Variants in FBRSL1 observed in about 807,000 individuals in gnomAD.
FBRSL1 encodes the protein fibrosin like 1, also known as fibrosin-1-like protein.
Under a neutral mutation model 89.6 loss-of-function variants are expected in FBRSL1, and 51 were observed. That is an observed-to-expected ratio of 0.57 (90% CI 0.45 to 0.72). The LOEUF (loss-of-function observed/expected upper bound fraction) is 0.72. FBRSL1 is among the 30% of genes least tolerant of loss of function. The pLI is 0.00. For synonymous variants in FBRSL1, 779 were observed against 681.1 expected, an observed-to-expected ratio of 1.14 and a Z score of -2.24; for missense variants, 1,618 against 1,451.8, an observed-to-expected ratio of 1.11 and a Z score of -1.86.
At chr12:132,550,472 G>C (rs1030676385) in intron 5 of FBRSL1, among the ~76,000 whole-genome samples, 1 of 152,100 alleles carries the variant, frequency 6.6e-6, no homozygotes, top group Non-Finnish European at 1.5e-5. Context: ...GCTTCTGTTG[G>C]GGGGCAGCTC....
chr12:132,562,574 C>T, intron 5 of FBRSL1, among the ~76,000 whole-genome samples: 1 of 149,660 alleles, frequency 6.7e-6, no homozygotes, highest in Non-Finnish European at 1.5e-5. Context: ...GACCCCGACC[C>T]CGGGGACCGC....
intron 5 of FBRSL1, among the ~76,000 whole-genome samples, chr12:132,567,059 CG>C (rs1199123219): frequency 6.6e-6 from 1 of 152,182 alleles, no homozygotes; most frequent in Non-Finnish European, 1.5e-5. Flanking sequence ...AGGTGTGTCC[CG>C]GGGCTCTCCA....
chr12:132,569,985 G>A lies in FBRSL1; in HGVS notation c.751G>A (p.Glu251Lys). The change falls in exon 7 of 19, where the codon GAG becomes AAG. Residue 251 changes from glutamate (E) to lysine (K), a missense_variant. By Grantham distance (56) the Glu-to-Lys change is moderately conservative. Coordinates refer to ENST00000680143, the MANE Select transcript of FBRSL1 (RefSeq NM_001367871.1). ...GCCGGTGCCCAAGGTGTCAGGCCTG[G>A]AGCGCAGCCGCGAGCTCAGCGCCGA... Reference protein sequence around the residue: ...AGPVPKVSGLERSRELSAESF... With the variant: ...AGPVPKVSGLKRSRELSAESF... The A allele has an allele frequency of 6.7e-7, 1 of 1,489,224 alleles. No homozygotes were observed. The highest frequency in any genetic ancestry group is 2.6e-5 in the East Asian group (1 of 38,064). 92.3% of individuals were successfully genotyped at this position (1,489,224 alleles called of 1,614,324 possible). A position where few individuals can be genotyped will look rare whatever the true frequency, so the allele number is the denominator to read the frequency against.
At chr12:132,572,169 C>T (rs2040068489) in intron 9 of FBRSL1, 119 bp from the exon 10 acceptor site, 8 of 893,218 alleles carry the variant, frequency 9.0e-6, no homozygotes, top group Admixed American at 2.5e-5. Context: ...CCGAAGCCGC[C>T]AGCCTCAGGA....
intron 5 of FBRSL1, among the ~76,000 whole-genome samples, chr12:132,549,631 C>T (rs1037157448): frequency 7.2e-5 from 11 of 152,214 alleles, no homozygotes; most frequent in Non-Finnish European, 1.5e-4. Flanking sequence ...TGGGGGCTCC[C>T]TCTCCCCTCC....
At chr12:132,514,178 C>G (rs1052574254) in intron 2 of FBRSL1, among the ~76,000 whole-genome samples, 12 of 152,214 alleles carry the variant, frequency 7.9e-5, no homozygotes, top group African/African-American at 2.9e-4. Context: ...GGATAGCATG[C>G]TGGGCGACTG....
chr12:132,512,566 G>A (rs12231415), intron 2 of FBRSL1, among the ~76,000 whole-genome samples: 42,104 of 152,194 alleles, frequency 0.28, 5,976 homozygotes, highest in Non-Finnish European at 0.3. Context: ...GTTGTCAGGC[G>A]TGGGGAACAG....
intron 6 of FBRSL1, among the ~76,000 whole-genome samples, chr12:132,568,503 G>A (rs4883552): frequency 0.27 from 40,907 of 152,268 alleles, 5,707 homozygotes; most frequent in South Asian, 0.32. Context: ...ACGGTGTCAC[G>A]CGGGGCTGCT....
chr12:132,490,903 CG>C, intron 1 of FBRSL1, 42 bp downstream of exon 1: 2 of 1,119,038 alleles, frequency 1.8e-6, no homozygotes, highest in African/African-American at 1.7e-5. Context: ...GAGGCGAGAA[CG>C]GGGCCCGGAG....
intron 2 of FBRSL1, among the ~76,000 whole-genome samples, chr12:132,519,887 A>G (rs1250824871): frequency 1.4e-5 from 2 of 142,976 alleles, no homozygotes; most frequent in East Asian, 4.1e-4. Flanking sequence ...CAGCCTGGGC[A>G]AGACTCTGTC....
intron 14 of FBRSL1, among the ~76,000 whole-genome samples, chr12:132,576,130 C>A (rs2040366668): frequency 6.6e-6 from 1 of 152,000 alleles, no homozygotes; most frequent in Non-Finnish European, 1.5e-5. Flanking sequence ...ATACCAAATT[C>A]AGTCACTGAG....
intron 6 of FBRSL1, among the ~76,000 whole-genome samples, chr12:132,568,257 G>T (rs1286642872): frequency 2.6e-5 from 4 of 152,260 alleles, no homozygotes; most frequent in Non-Finnish European, 5.9e-5. Context: ...TGGGTTTCCA[G>T]CTGGAACCAC....
At chr12:132,578,715 C>T (rs1355811852) in intron 15 of FBRSL1, among the ~76,000 whole-genome samples, 1 of 43,464 alleles carries the variant, frequency 2.3e-5, no homozygotes, top group East Asian at 5.6e-3. Flanking sequence ...TCCCAACCCC[C>T]GCTGCAGCCC....
At chr12:132,492,007 C>T (rs1409359183) in intron 1 of FBRSL1, among the ~76,000 whole-genome samples, 5 of 152,228 alleles carry the variant, frequency 3.3e-5, no homozygotes, top group Admixed American at 2.6e-4. Context: ...CCAGGGCTGG[C>T]ACACGCCATT....
intron 1 of FBRSL1, among the ~76,000 whole-genome samples, chr12:132,496,859 C>T (rs368316773): frequency 4.9e-4 from 57 of 115,348 alleles, no homozygotes; most frequent in African/African-American, 1.6e-3. Context: ...CTGTGTTGCG[C>T]GGGGCGCGTC....
intron 1 of FBRSL1, among the ~76,000 whole-genome samples, chr12:132,498,037 T>G (rs976999045): frequency 7.2e-5 from 11 of 152,008 alleles, no homozygotes; most frequent in Admixed American, 2.0e-4. Flanking sequence ...CTGGGAGAGC[T>G]GGGGGGCCCG....
intron 4 of FBRSL1, among the ~76,000 whole-genome samples, chr12:132,539,347 GA>G (rs2037028720): frequency 1.7e-5 from 1 of 58,526 alleles, no homozygotes; most frequent in African/African-American, 6.7e-5. Context: ...CCTCCAGCCC[GA>G]TGCCCACCCA....
In FBRSL1 at chr12:132,541,743, G is replaced by A. The variant is rs150010166; in HGVS notation, c.616-6260G>A. Among the ~76,000 whole-genome samples, 14 of 152,358 alleles carry A rather than the reference G, an allele frequency of 9.2e-5. No homozygotes were observed. The East Asian group carries it at 1.5e-3, about 17-fold the overall frequency. On this transcript the variant is annotated intron_variant, in intron 4 of 18. Transcript: ENST00000680143. The stretch of plus-strand genomic sequence containing the variant: ...CCCTGTCCCTTATTTCAGCCGAATC[G>A]CTTGATTGGAATGCATTGCATATCC...
intron 4 of FBRSL1, among the ~76,000 whole-genome samples, chr12:132,543,989 G>C (rs1157099943): frequency 6.6e-6 from 1 of 152,162 alleles, no homozygotes; most frequent in African/African-American, 2.4e-5. Context: ...CCCCTGTCGG[G>C]TGCCTCCCTC....
Sources: gnomAD v4.1 joint callset for allele counts (sites outside exome capture counted in the v4.1 genomes callset) on GRCh38, gnomAD v4.1.1 for gene constraint, MANE v1.5 for transcripts, NCBI Gene and HGNC (gene_info 2026-07-23, HGNC 2026-07-21) for gene names.